The following PFKFB3 variants were observed in gnomAD, a reference collection of about 807,000 sequenced individuals.
The protein encoded by PFKFB3 is 6-phosphofructo-2-kinase/fructose-2,6-bisphosphatase 3.
Under a neutral mutation model 68.0 loss-of-function variants are expected in PFKFB3, and 33 were observed. The observed-to-expected ratio is 0.49, with a 90% confidence interval of 0.37 to 0.65. The LOEUF (loss-of-function observed/expected upper bound fraction) is 0.65, where lower values mean the gene tolerates loss of function less well. Among genes scored for constraint, PFKFB3 ranks in the 30% least tolerant of loss-of-function variants. The pLI, the probability that PFKFB3 is intolerant of heterozygous loss-of-function variation, is 0.00. For missense variants in PFKFB3, 586 were observed against 712.2 expected (o/e 0.82, Z 2.02); for synonymous variants, 315 against 288.2 (o/e 1.09, Z -0.94).
chr10:6,273,234 A>T, the PFKFB3 span, among the ~76,000 whole-genome samples: 1 of 151,880 alleles, frequency 6.6e-6, no homozygotes, highest in East Asian at 1.9e-4. Flanking sequence ...TGTGATCCAT[A>T]TTCTCATGAT....
chr10:6,275,617 T>A, the PFKFB3 span, among the ~76,000 whole-genome samples: 2 of 152,114 alleles, frequency 1.3e-5, no homozygotes, highest in African/African-American at 4.8e-5. The surrounding 1 kb of genome is among the most constrained non-coding windows in gnomAD (Gnocchi z 4.9). Flanking sequence ...TTGGTTTGGA[T>A]CTTGTGGGTT....
chr10:6,191,801 C>T (rs937244459), intron 1 of PFKFB3, among the ~76,000 whole-genome samples: 7 of 152,132 alleles, frequency 4.6e-5, no homozygotes, highest in Non-Finnish European at 7.4e-5. Flanking sequence ...ACGCGATGCA[C>T]GACAACCCCC....
Position 6,232,608 on chromosome 10 carries a change from G to A in PFKFB3, c.1516-287G>A, listed in dbSNP as rs35987650. Among the ~76,000 whole-genome samples, 42 of 152,162 alleles carry A rather than the reference G, an allele frequency of 2.8e-4. No individual in the cohort carries two copies. The East Asian group carries it at 7.2e-3, about 26-fold the overall frequency. ...CCTGTAGTTACTGGTGCCCAGCGCC[G>A]CGCAGCTCACGGTCCTCCAGGAGCC... is the stretch of plus-strand genomic sequence containing the variant. On this transcript the variant is annotated intron_variant, in intron 14 of 14. Transcript: ENST00000379775.
intron 1 of PFKFB3, among the ~76,000 whole-genome samples, chr10:6,206,690 C>CGGCT (rs1843745746): frequency 6.6e-6 from 1 of 150,838 alleles, no homozygotes; most frequent in African/African-American, 2.4e-5. Flanking sequence ...AGACGATGGG[C>CGGCT]GGCCGGGCAG....
chr10:6,173,030 G>A (rs141705372), intron 1 of PFKFB3, among the ~76,000 whole-genome samples: 5 of 152,290 alleles, frequency 3.3e-5, no homozygotes, highest in African/African-American at 4.8e-5. Flanking sequence ...CACAGGATCT[G>A]TGTTCCCTTC....
intron 1 of PFKFB3, among the ~76,000 whole-genome samples, chr10:6,179,960 G>C (rs760442994): frequency 6.6e-6 from 1 of 152,108 alleles, no homozygotes; most frequent in African/African-American, 2.4e-5. Flanking sequence ...CGGTGAGGTC[G>C]ATCCTGGTGA....
At chr10:6,264,141 A>G in the PFKFB3 span, among the ~76,000 whole-genome samples, 2 of 152,210 alleles carry the variant, frequency 1.3e-5, no homozygotes, top group Non-Finnish European at 2.9e-5. Flanking sequence ...GCCTTTTCCC[A>G]TTGCACTTGA....
At chr10:6,225,641 C>T (rs1007404314) in intron 13 of PFKFB3, among the ~76,000 whole-genome samples, 1 of 152,226 alleles carries the variant, frequency 6.6e-6, no homozygotes, top group Non-Finnish European at 1.5e-5. Flanking sequence ...GAACCTGCTT[C>T]CTGCTGCACA....
chr10:6,243,602 C>T (rs776365195), intron 14 of PFKFB3, among the ~76,000 whole-genome samples: 2 of 152,238 alleles, frequency 1.3e-5, no homozygotes, highest in Admixed American at 6.5e-5. Context: ...GGGGCCTGTT[C>T]TCTTTCCCTA....
the PFKFB3 span, among the ~76,000 whole-genome samples, chr10:6,294,869 A>G: frequency 3.3e-5 from 5 of 151,920 alleles, no homozygotes; most frequent in African/African-American, 1.2e-4. Context: ...CCTTTAGCAT[A>G]TTAATCAGTT....
chr10:6,231,779 G>A (rs952363952), intron 14 of PFKFB3, among the ~76,000 whole-genome samples: 2 of 151,758 alleles, frequency 1.3e-5, no homozygotes, highest in Admixed American at 6.6e-5. Flanking sequence ...ATCAACCCCC[G>A]CAGGCAGCCG....
At chr10:6,254,967 G>C (rs1846472858), downstream of PFKFB3, among the ~76,000 whole-genome samples, 1 of 151,378 alleles carries the variant, frequency 6.6e-6, no homozygotes, top group Admixed American at 6.6e-5. Flanking sequence ...ACAGGCACGT[G>C]CCACCATCCT....
chr10:6,174,472 G>A (rs1299228032), intron 1 of PFKFB3, among the ~76,000 whole-genome samples: 1 of 152,214 alleles, frequency 6.6e-6, no homozygotes, highest in African/African-American at 2.4e-5. Flanking sequence ...TCTGTGGAGC[G>A]AGAGATTCCG....
chr10:6,205,865 A>G (rs1272647826), intron 1 of PFKFB3, among the ~76,000 whole-genome samples: 3 of 151,938 alleles, frequency 2.0e-5, no homozygotes, highest in Non-Finnish European at 2.9e-5. Context: ...TGGTGCGACC[A>G]TAGCTCACTG....
chr10:6,159,901 G>C (rs72478269), intron 1 of PFKFB3, among the ~76,000 whole-genome samples: 1,613 of 151,432 alleles, frequency 0.011, 65 homozygotes, highest in East Asian at 0.099. Flanking sequence ...TATGACTTTA[G>C]GTGTGTGCCA....
chr10:6,244,227 A>C (rs1846204711), intron 14 of PFKFB3, among the ~76,000 whole-genome samples: 1 of 152,164 alleles, frequency 6.6e-6, no homozygotes, highest in Non-Finnish European at 1.5e-5. Flanking sequence ...TTGGATGTCA[A>C]ATGAAGAGCA....
the PFKFB3 span, among the ~76,000 whole-genome samples, chr10:6,324,578 C>T: frequency 6.6e-6 from 1 of 152,194 alleles, no homozygotes; most frequent in East Asian, 1.9e-4. Flanking sequence ...AGGCACCCGC[C>T]ACCACGACCA....
At chr10:6,270,330 A>C in the PFKFB3 span, among the ~76,000 whole-genome samples, 32 of 152,200 alleles carry the variant, frequency 2.1e-4, no homozygotes, top group African/African-American at 7.7e-4. Flanking sequence ...TATGAGAAGT[A>C]TAAGTTACCT....
At chr10:6,153,715 T>C (rs1294721990) in intron 1 of PFKFB3, among the ~76,000 whole-genome samples, 1 of 151,552 alleles carries the variant, frequency 6.6e-6, no homozygotes. Context: ...ATTAGCTGGG[T>C]GTGGAGGCAG....
Sources: gnomAD v4.1 joint callset for allele counts (sites outside exome capture counted in the v4.1 genomes callset) on GRCh38, gnomAD v4.1.1 for gene constraint, Gnocchi (gnomAD v3.1) non-coding constraint, MANE v1.5 for transcripts, NCBI Gene and HGNC (gene_info 2026-07-23, HGNC 2026-07-21) for gene names.